Variants in DPF3 observed in about 807,000 individuals in gnomAD.
The protein encoded by DPF3 is zinc finger protein DPF3.
DPF3 carries 18 observed loss-of-function variants against 56.8 expected under a neutral mutation model. That is an observed-to-expected ratio of 0.32 (90% CI 0.22 to 0.47). The LOEUF is 0.47. Among genes scored for constraint, DPF3 ranks in the 20% least tolerant of loss-of-function variants. DPF3 has a pLI of 1.00. For missense variants in DPF3, 403 were observed against 488.8 expected (o/e 0.82, Z 1.65); for synonymous variants, 188 against 180.2 (o/e 1.04, Z -0.35).
At chr14:72,637,373 A>C (rs1473309258) in intron 8 of DPF3, among the ~76,000 whole-genome samples, 1 of 152,250 alleles carries the variant, frequency 6.6e-6, no homozygotes, top group Non-Finnish European at 1.5e-5. Context: ...GCACAGCACT[A>C]GGAATACGTT....
chr14:72,839,126 G>T (rs1207750632), intron 1 of DPF3, among the ~76,000 whole-genome samples: 2 of 151,394 alleles, frequency 1.3e-5, no homozygotes, highest in Non-Finnish European at 2.9e-5. Context: ...TCGCCATGTT[G>T]GCCAGGCTGG....
intron 9 of DPF3, among the ~76,000 whole-genome samples, chr14:72,625,643 A>G (rs1328588070): frequency 6.6e-6 from 1 of 152,226 alleles, no homozygotes; most frequent in Non-Finnish European, 1.5e-5. Flanking sequence ...CAACACAGCT[A>G]GGAAATAAAT....
At chr14:72,788,495 A>G (rs982522917) in intron 1 of DPF3, among the ~76,000 whole-genome samples, 1 of 152,166 alleles carries the variant, frequency 6.6e-6, no homozygotes, top group Non-Finnish European at 1.5e-5. Flanking sequence ...CCCCACAGCC[A>G]TCAATATCTC....
chr14:72,654,983 G>C (rs1360949866), intron 8 of DPF3, among the ~76,000 whole-genome samples: 1 of 152,062 alleles, frequency 6.6e-6, no homozygotes, highest in Non-Finnish European at 1.5e-5. Context: ...AAGTTTTCAG[G>C]ATTACAAACT....
At chr14:72,720,898 T>C (rs542198564) in intron 5 of DPF3, among the ~76,000 whole-genome samples, 2 of 152,296 alleles carry the variant, frequency 1.3e-5, no homozygotes, top group African/African-American at 4.8e-5. Context: ...AAAAAATAGA[T>C]AGGTGCAATT....
At chr14:72,873,191 T>C (rs980041104) in intron 1 of DPF3, among the ~76,000 whole-genome samples, 9 of 151,930 alleles carry the variant, frequency 5.9e-5, no homozygotes, top group Non-Finnish European at 1.3e-4. Context: ...AGGGCTAATA[T>C]CCAGAATCTA....
chr14:72,780,789 C>T (rs900969277), intron 1 of DPF3, among the ~76,000 whole-genome samples: 14 of 46,922 alleles, frequency 3.0e-4, no homozygotes, highest in Non-Finnish European at 4.9e-4. Flanking sequence ...TTACAAGAAG[C>T]TCACTGATTC....
At chr14:72,796,352 A>C (rs1452512265) in intron 1 of DPF3, among the ~76,000 whole-genome samples, 2 of 152,138 alleles carry the variant, frequency 1.3e-5, no homozygotes, top group African/African-American at 4.8e-5. Context: ...AAATACAAAA[A>C]ATTAGCCAGG....
intron 2 of DPF3, among the ~76,000 whole-genome samples, chr14:72,770,836 T>A (rs973327149): frequency 3.3e-5 from 5 of 152,236 alleles, no homozygotes; most frequent in Admixed American, 1.3e-4. Context: ...TTCTGTTCTT[T>A]GCAGCCTAGA....
intron 7 of DPF3, among the ~76,000 whole-genome samples, chr14:72,684,981 A>C (rs1192652015): frequency 6.6e-6 from 1 of 152,200 alleles, no homozygotes. Flanking sequence ...ACAATGAGAA[A>C]GCAGCTATCT....
At chr14:72,846,704 G>A (rs1052555645) in intron 1 of DPF3, among the ~76,000 whole-genome samples, 4 of 152,096 alleles carry the variant, frequency 2.6e-5, no homozygotes, top group African/African-American at 9.7e-5. Flanking sequence ...CTGGGATTAT[G>A]AGCCACTGCA....
chr14:72,800,771 T>G (rs1227541022), intron 1 of DPF3, among the ~76,000 whole-genome samples: 1 of 152,016 alleles, frequency 6.6e-6, no homozygotes, highest in African/African-American at 2.4e-5. Context: ...GGTGGATGCA[T>G]GAGTGGATGC....
At chr14:72,890,501 G>GATAATAATAATA (rs58089317) in intron 1 of DPF3, among the ~76,000 whole-genome samples, 19,665 of 146,340 alleles carry the variant, frequency 0.13, 1,627 homozygotes, top group African/African-American at 0.22. Context: ...AAAAAATAAT[G>GATAATAATAATA]ATAATAATAA....
chr14:72,770,859 C>T (rs1435751562), intron 2 of DPF3, among the ~76,000 whole-genome samples: 1 of 152,170 alleles, frequency 6.6e-6, no homozygotes, highest in Non-Finnish European at 1.5e-5. Flanking sequence ...ACTAGTGTCA[C>T]TGTAGCTGTA....
intron 7 of DPF3, among the ~76,000 whole-genome samples, chr14:72,678,073 C>G (rs558384371): frequency 6.6e-6 from 1 of 152,130 alleles, no homozygotes; most frequent in Non-Finnish European, 1.5e-5. Flanking sequence ...TTGATTCTTG[C>G]AAAAACTTTG....
At chr14:72,836,380 G>C (rs1884294673) in intron 1 of DPF3, 1 of 985,404 alleles carries the variant, frequency 1.0e-6, no homozygotes, top group African/African-American at 1.7e-5. Flanking sequence ...GAAACTGTCA[G>C]AGCAGGGGGC....
chr14:72,857,354 T>A (rs1394296514), intron 1 of DPF3, among the ~76,000 whole-genome samples: 2 of 152,200 alleles, frequency 1.3e-5, no homozygotes, highest in African/African-American at 4.8e-5. Context: ...AAAAGCTTGT[T>A]AAAAACTTAC....
intron 1 of DPF3, among the ~76,000 whole-genome samples, chr14:72,876,369 C>T (rs1434418085): frequency 6.6e-6 from 1 of 152,170 alleles, no homozygotes; most frequent in Non-Finnish European, 1.5e-5. Flanking sequence ...GACAGACAAT[C>T]CCCCTTGCTG....
In DPF3 at chr14:72,831,653, G is replaced by A. The variant is rs375181408; in HGVS notation, c.33-59760C>T. ...ATGCTCCCGTCAGTAGCAGCACTGA[G>A]CCAAGAACTCAAGGCTTCAGTTTTG... is the stretch of plus-strand genomic sequence containing the variant. On this transcript the variant is annotated intron_variant, in intron 1 of 10. Coordinates refer to ENST00000556509, the MANE Select transcript of DPF3 (RefSeq NM_001280542.3). Among the ~76,000 whole-genome samples the A allele has an allele frequency of 1.2e-4, 19 of 152,346 alleles. No homozygotes were observed. The East Asian group carries it at 3.5e-3, about 28-fold the overall frequency.
Sources: gnomAD v4.1 joint callset for allele counts (sites outside exome capture counted in the v4.1 genomes callset) on GRCh38, gnomAD v4.1.1 for gene constraint, MANE v1.5 for transcripts, NCBI Gene and HGNC (gene_info 2026-07-23, HGNC 2026-07-21) for gene names.